The following CA10 variants were observed in gnomAD, a reference collection of about 807,000 sequenced individuals.
CA10 encodes carbonic anhydrase-related protein 10.
In CA10, 14 loss-of-function variants were observed where a neutral mutation model predicts 44.2. The ratio of observed to expected loss-of-function variants is 0.32; its 90% CI spans 0.21 to 0.50. The LOEUF is 0.50. CA10 is among the 20% of genes least tolerant of loss of function. The pLI, the probability that CA10 is intolerant of heterozygous loss-of-function variation, is 0.99. For synonymous variants in CA10, 159 were observed against 141.6 expected, an observed-to-expected ratio of 1.12 and a Z score of -0.87; for missense variants, 350 against 409.7, an observed-to-expected ratio of 0.85 and a Z score of 1.26.
At chr17:52,027,559 C>T (rs1986338969) in intron 2 of CA10, among the ~76,000 whole-genome samples, 1 of 152,110 alleles carries the variant, frequency 6.6e-6, no homozygotes, top group Non-Finnish European at 1.5e-5. Context: ...ACGACATGCA[C>T]ATAGAAATTA....
At chr17:51,650,968 A>G (rs1913540402) in intron 5 of CA10, among the ~76,000 whole-genome samples, 1 of 152,244 alleles carries the variant, frequency 6.6e-6, no homozygotes, top group Non-Finnish European at 1.5e-5. Flanking sequence ...TTGAGCAGCA[A>G]TTACAGCCAA....
At chr17:52,073,734 G>A (rs1430141364) in intron 1 of CA10, among the ~76,000 whole-genome samples, 1 of 152,164 alleles carries the variant, frequency 6.6e-6, no homozygotes, top group Non-Finnish European at 1.5e-5. Flanking sequence ...AGCCCTTGAG[G>A]AAGATCCCGA....
intron 3 of CA10, among the ~76,000 whole-genome samples, chr17:51,799,140 T>C (rs1906830603): frequency 6.6e-6 from 1 of 152,208 alleles, no homozygotes; most frequent in South Asian, 2.1e-4. Context: ...CTTTTCTGCT[T>C]TCCCCAATTC....
intron 3 of CA10, among the ~76,000 whole-genome samples, chr17:51,832,528 A>T (rs980204418): frequency 3.3e-5 from 5 of 152,288 alleles, no homozygotes; most frequent in Middle Eastern, 3.4e-3. Context: ...CTCATGATGG[A>T]TCTGAAGGAA....
At chr17:51,664,782 G>A (rs8064617) in intron 4 of CA10, among the ~76,000 whole-genome samples, 97,723 of 152,036 alleles carry the variant, frequency 0.64, 31,656 homozygotes, top group Middle Eastern at 0.68. Flanking sequence ...ACCACAATGC[G>A]AAGTTTTATC....
chr17:51,941,278 G>A (rs1176172575), intron 2 of CA10, among the ~76,000 whole-genome samples: 1 of 152,110 alleles, frequency 6.6e-6, no homozygotes, highest in Admixed American at 6.6e-5. Context: ...TGAGAATTAA[G>A]CCTCCTGAAT....
chr17:52,159,055 G>A (rs573944795), upstream of CA10, among the ~76,000 whole-genome samples: 11 of 152,326 alleles, frequency 7.2e-5, no homozygotes, highest in East Asian at 1.4e-3. Context: ...TACCCTCCAG[G>A]ATTTTCGAGT....
intron 2 of CA10, among the ~76,000 whole-genome samples, chr17:52,065,281 C>A (rs896975992): frequency 6.6e-6 from 1 of 152,204 alleles, no homozygotes; most frequent in Non-Finnish European, 1.5e-5. Context: ...GAGTACTTTC[C>A]ATTTATAGCA....
chr17:51,876,148 A>ATTT (rs932062203), intron 3 of CA10, among the ~76,000 whole-genome samples: 2 of 75,698 alleles, frequency 2.6e-5, no homozygotes, highest in Non-Finnish European at 5.7e-5. Flanking sequence ...ATAAAATTTT[A>ATTT]TTTCTTCTCT....
At chr17:51,883,368 A>G (rs1417978552) in intron 3 of CA10, among the ~76,000 whole-genome samples, 5 of 152,008 alleles carry the variant, frequency 3.3e-5, no homozygotes, top group Non-Finnish European at 7.4e-5. Context: ...TTGTGCTTTT[A>G]TTACTCCATT....
intron 3 of CA10, among the ~76,000 whole-genome samples, chr17:51,919,921 G>A (rs1982162698): frequency 6.6e-6 from 1 of 152,122 alleles, no homozygotes; most frequent in South Asian, 2.1e-4. Flanking sequence ...TAAAGTGCTG[G>A]GATTACAGGC....
At chr17:52,072,232 C>G in intron 2 of CA10, 87 bp downstream of exon 2, 1 of 946,786 alleles carries the variant, frequency 1.1e-6, no homozygotes, top group Non-Finnish European at 1.6e-6. Context: ...ACTGCCTCAC[C>G]TTTTGCAATG....
chr17:51,715,844 C>G (rs1916093921), intron 4 of CA10, among the ~76,000 whole-genome samples: 1 of 152,142 alleles, frequency 6.6e-6, no homozygotes, highest in South Asian at 2.1e-4. Context: ...CATGTGCCAC[C>G]ACGCCTGGCT....
At chr17:51,940,807 T>G (rs936700281) in intron 2 of CA10, among the ~76,000 whole-genome samples, 26 of 152,096 alleles carry the variant, frequency 1.7e-4, no homozygotes, top group African/African-American at 5.8e-4. Context: ...TGCCCTGACT[T>G]AAGCCAAACA....
chr17:51,998,916 T>A (rs1985330324), intron 2 of CA10, among the ~76,000 whole-genome samples: 1 of 152,042 alleles, frequency 6.6e-6, no homozygotes, highest in Admixed American at 6.6e-5. Context: ...AAACTGGAGC[T>A]AAAGCCAGGT....
chr17:52,049,996 G>C (rs1213329262), intron 2 of CA10, among the ~76,000 whole-genome samples: 1 of 152,078 alleles, frequency 6.6e-6, no homozygotes, highest in East Asian at 1.9e-4. Context: ...AGCAGCAATA[G>C]GCTATACCAC....
chr17:51,977,138 C>G (rs1329154513), intron 2 of CA10, among the ~76,000 whole-genome samples: 1 of 151,296 alleles, frequency 6.6e-6, no homozygotes, highest in African/African-American at 2.5e-5. Context: ...ATCCATTTAG[C>G]ATATTCTTTT....
intron 7 of CA10, among the ~76,000 whole-genome samples, chr17:51,634,421 C>T (rs1912731808): frequency 6.6e-6 from 1 of 152,206 alleles, no homozygotes; most frequent in African/African-American, 2.4e-5. Flanking sequence ...CAGGTGGGAA[C>T]ACATATCCCG....
chr17:51,907,472 A>G (rs1194656748), intron 3 of CA10, among the ~76,000 whole-genome samples: 2 of 152,076 alleles, frequency 1.3e-5, no homozygotes, highest in Admixed American at 6.6e-5. Flanking sequence ...ATATATGTAT[A>G]TATGTGTGTA....
Sources: allele counts gnomAD v4.1 joint callset (sites outside exome capture counted in the v4.1 genomes callset), GRCh38; gene constraint gnomAD v4.1.1; transcripts MANE v1.5; gene names NCBI Gene and HGNC (gene_info 2026-07-23, HGNC 2026-07-21).